Variants in GABRA2 observed in about 807,000 individuals in gnomAD.
GABRA2 encodes gamma-aminobutyric acid type A receptor subunit alpha2.
A neutral mutation model predicts 48.7 loss-of-function variants in GABRA2; 16 were observed. The ratio of observed to expected loss-of-function variants is 0.33; its 90% CI spans 0.22 to 0.50. The LOEUF is 0.50. Ranked by LOEUF, GABRA2 falls within the 20% of genes least tolerant of loss-of-function variation. The probability of loss-of-function intolerance (pLI) is 0.98; values close to 1 mark genes in which losing one functional copy is unlikely to be tolerated. For missense variants in GABRA2, 275 were observed against 535.6 expected, an observed-to-expected ratio of 0.51 and a Z score of 4.80; for synonymous variants, 185 against 184.5, an observed-to-expected ratio of 1.00 and a Z score of -0.02.
chr4:46,256,218 A>T, intron 9 of GABRA2: 1 of 681,732 alleles, frequency 1.5e-6, no homozygotes, highest in Non-Finnish European at 2.7e-6. Flanking sequence ...AAGGTTAAAC[A>T]GTCCATCCAC....
At position 46,249,094 on chromosome 4, in the gene GABRA2, T is replaced by C. The variant is rs1238998893; in HGVS notation, c.*1214A>G. On this transcript the variant is annotated 3_prime_UTR_variant, in exon 10 of 10. Coordinates refer to ENST00000381620, the MANE Select transcript of GABRA2 (RefSeq NM_000807.4). ...TGCACGTGAAATAATCCACAATCTA[T>C]TGGTGATGTTTTAAAGTTGCAGTGT... 7.2e-6 allele frequency: 1 copy of C among 138,318 alleles called. No homozygotes were observed. The highest frequency in any genetic ancestry group is 1.6e-5 in the Non-Finnish European group (1 of 63,148). The allele number at this position is 138,318 out of a possible 1,614,324, so 8.6% of individuals were successfully genotyped here.
rs1714193204 is a variant in GABRA2 at position 46,248,904 on chromosome 4, T to C, written c.*1404A>G. 6.6e-6 allele frequency: 1 copy of C among 151,450 alleles called. No homozygotes were observed. Among genetic ancestry groups the C allele is most frequent in the Non-Finnish European group, 1.5e-5 (1 of 67,664 alleles). The allele number at this position is 151,450 out of a possible 1,614,324, so 9.4% of individuals were successfully genotyped here. A position where few individuals can be genotyped will look rare whatever the true frequency, so the allele number is the denominator to read the frequency against. On this transcript the variant is annotated 3_prime_UTR_variant, in exon 10 of 10. Transcript: ENST00000381620. ...CTTTGAATCTAGGCATAATACACAA[T>C]CTTTAACTTTTATTAGCATATTTCG...
chr4:46,267,648 C>T (rs1718518456), intron 8 of GABRA2, among the ~76,000 whole-genome samples: 1 of 151,896 alleles, frequency 6.6e-6, no homozygotes, highest in Non-Finnish European at 1.5e-5. Flanking sequence ...TGTTTATTAG[C>T]TTTTCTTAAC....
intron 3 of GABRA2, among the ~76,000 whole-genome samples, chr4:46,350,107 T>A (rs2109902164): frequency 6.6e-6 from 1 of 152,020 alleles, no homozygotes; most frequent in Admixed American, 6.6e-5. Context: ...TTTATCATCA[T>A]CCAAATTCAA....
At chr4:46,331,747 G>A (rs1208535607) in intron 4 of GABRA2, among the ~76,000 whole-genome samples, 1 of 151,966 alleles carries the variant, frequency 6.6e-6, no homozygotes, top group Non-Finnish European at 1.5e-5. Context: ...TTGATTGATT[G>A]ATTGGAGACA....
chr4:46,388,490 A>G, intron 2 of GABRA2, 146 bp downstream of exon 2: 5 of 906,046 alleles, frequency 5.5e-6, no homozygotes, highest in Admixed American at 5.0e-5. Flanking sequence ...TTTACAGTCT[A>G]TTACTTCATA....
intron 9 of GABRA2, among the ~76,000 whole-genome samples, chr4:46,251,857 C>A (rs1341501747): frequency 6.6e-6 from 1 of 151,236 alleles, no homozygotes; most frequent in Non-Finnish European, 1.5e-5. Context: ...CACAAGTTAG[C>A]CACATAATAC....
Position 46,332,605 on chromosome 4 carries a change from A to G in GABRA2, c.255+10T>C. On this transcript the variant is annotated intron_variant, in intron 4 of 9. Transcript: ENST00000381620. ...TGTGAAGTAAAAATACTATTTAATG[A>G]AAAACTCACCATATCTGTATCTGAG... 1 of 1,548,274 alleles carries G rather than the reference A, an allele frequency of 6.5e-7. No individual in the cohort carries two copies. The highest frequency in any genetic ancestry group is 8.9e-7 in the Non-Finnish European group (1 of 1,121,200).
At chr4:46,269,872 T>C (rs1648345525) in intron 8 of GABRA2, among the ~76,000 whole-genome samples, 1 of 151,928 alleles carries the variant, frequency 6.6e-6, no homozygotes, top group Non-Finnish European at 1.5e-5. Flanking sequence ...GTGAAACTGC[T>C]TTGCTTTTGT....
intron 3 of GABRA2, among the ~76,000 whole-genome samples, chr4:46,346,200 G>T (rs1340405329): frequency 6.6e-6 from 1 of 151,944 alleles, no homozygotes; most frequent in Non-Finnish European, 1.5e-5. Flanking sequence ...ATGGTACTTA[G>T]TGTTCTCTAG....
rs183610825 is a variant in GABRA2 at position 46,316,108 on chromosome 4, T to A, written c.256-3392A>T. Among the ~76,000 whole-genome samples, 54 of 152,068 alleles carry A rather than the reference T, an allele frequency of 3.6e-4. No homozygotes were observed. In the Middle Eastern group the frequency reaches 0.014, roughly 38 times the overall value. ...TAGCCCTTTGATTCATTTTTACTGCTTTATAGTATTATATTGGAAGACAAA... is the reference window on the plus strand; with the variant it reads ...TAGCCCTTTGATTCATTTTTACTGCATTATAGTATTATATTGGAAGACAAA... On this transcript the variant is annotated intron_variant, in intron 4 of 9. Coordinates refer to ENST00000381620, the MANE Select transcript of GABRA2 (RefSeq NM_000807.4).
intron 6 of GABRA2, among the ~76,000 whole-genome samples, chr4:46,307,325 C>T (rs1190551187): frequency 2.6e-5 from 4 of 151,620 alleles, no homozygotes; most frequent in Admixed American, 6.6e-5. Context: ...CATATTCTGG[C>T]GCTCTCTTCA....
chr4:46,338,347 C>T (rs1393851373), intron 3 of GABRA2, among the ~76,000 whole-genome samples: 1 of 151,854 alleles, frequency 6.6e-6, no homozygotes, highest in Admixed American at 6.6e-5. Context: ...ATTTGATTCA[C>T]ATGCAATTGA....
chr4:46,382,875 G>T (rs1370024366), intron 3 of GABRA2, among the ~76,000 whole-genome samples: 1 of 152,050 alleles, frequency 6.6e-6, no homozygotes, highest in Non-Finnish European at 1.5e-5. Flanking sequence ...AGTTATAAAG[G>T]AAAGAAAATA....
At chr4:46,340,128 A>G (rs1578107477) in intron 3 of GABRA2, among the ~76,000 whole-genome samples, 1 of 152,004 alleles carries the variant, frequency 6.6e-6, no homozygotes, top group Non-Finnish European at 1.5e-5. Context: ...CTCTGTTGTT[A>G]TGACTCTTAA....
intron 4 of GABRA2, among the ~76,000 whole-genome samples, chr4:46,329,607 TG>T (rs1730990529): frequency 6.6e-6 from 1 of 152,172 alleles, no homozygotes; most frequent in African/African-American, 2.4e-5. Flanking sequence ...GGTGACACTG[TG>T]GCCCTAGAAG....
intron 3 of GABRA2, among the ~76,000 whole-genome samples, chr4:46,342,396 A>C (rs536775529): frequency 9.2e-5 from 14 of 152,084 alleles, no homozygotes; most frequent in Admixed American, 2.0e-4. Flanking sequence ...GATTGTGCCA[A>C]TTCTCTTCAC....
At chr4:46,388,948 T>C in intron 1 of GABRA2, 1 of 1,312,856 alleles carries the variant, frequency 7.6e-7, no homozygotes, top group Non-Finnish European at 9.7e-7. Context: ...CTTTCTTTCT[T>C]TCTTTAACAG....
intron 3 of GABRA2, among the ~76,000 whole-genome samples, chr4:46,376,680 A>T (rs1029416111): frequency 1.3e-5 from 2 of 152,070 alleles, no homozygotes; most frequent in Admixed American, 1.3e-4. Context: ...TGAAGCCGAG[A>T]GTTCAAGACC....
Sources: allele counts gnomAD v4.1 joint callset (sites outside exome capture counted in the v4.1 genomes callset), GRCh38; gene constraint gnomAD v4.1.1; transcripts MANE v1.5; gene names NCBI Gene and HGNC (gene_info 2026-07-23, HGNC 2026-07-21).